PCGF5: variants seen among roughly 807,000 people sequenced by gnomAD.
PCGF5 encodes polycomb group RING finger protein 5.
PCGF5 carries 9 observed loss-of-function variants against 44.3 expected under a neutral mutation model. The observed-to-expected ratio is 0.20, with a 90% confidence interval of 0.12 to 0.35. The LOEUF (loss-of-function observed/expected upper bound fraction) is 0.35. PCGF5 is among the 10% of genes least tolerant of loss of function. The pLI is 1.00. For synonymous variants in PCGF5, 95 were observed against 102.5 expected, an observed-to-expected ratio of 0.93 and a Z score of 0.44; for missense variants, 146 against 305.3, an observed-to-expected ratio of 0.48 and a Z score of 3.89.
intron 1 of PCGF5, among the ~76,000 whole-genome samples, chr10:91,190,426 G>A (rs906851972): frequency 2.0e-5 from 3 of 152,260 alleles, no homozygotes; most frequent in South Asian, 2.1e-4. Context: ...AAAGGTCTGT[G>A]GTGTCAGATA....
rs142909174 is a variant in PCGF5, at chr10:91,267,468, G to T, written c.663+2948G>T. 1.4e-4 allele frequency among the ~76,000 whole-genome samples: 21 copies of T among 152,314 alleles called. No homozygotes were observed. The East Asian group carries it at 3.9e-3, about 28-fold the overall frequency. On this transcript the variant is annotated intron_variant, in intron 8 of 9. Coordinates refer to ENST00000336126, the MANE Select transcript of PCGF5 (RefSeq NM_032373.5). ...TGCTAAATCTCCAGCACCTAGGGCA[G>T]TGCCCAGCATATATACTCAATCAAT...
chr10:91,221,046 G>T (rs1407132872), intron 1 of PCGF5, among the ~76,000 whole-genome samples: 2 of 151,548 alleles, frequency 1.3e-5, no homozygotes, highest in Non-Finnish European at 3.0e-5. Context: ...TGCGGACGCC[G>T]GCCCCGGGAA....
At position 91,251,329 on chromosome 10, in the gene PCGF5, A is replaced by G. The variant is rs140669067; in HGVS notation, c.363A>G (p.Glu121=). The change falls in exon 6 of 10, where the codon GAA becomes GAG. Residue 121 remains glutamate, a synonymous_variant. Coordinates refer to ENST00000336126, the MANE Select transcript of PCGF5 (RefSeq NM_032373.5). ...TSKADKPKVD[E]EGDENEDDKD... ...AAGCTGACAAACCGAAAGTAGATGA[A>G]GAAGGTGATGAAAATGAAGATGATA... The G allele has an allele frequency of 1.9e-6, 3 of 1,610,398 alleles. No homozygotes were observed. The highest frequency in any genetic ancestry group is 2.7e-5 in the African/African-American group (2 of 74,756).
chr10:91,238,883 T>C (rs1432453096), intron 2 of PCGF5, among the ~76,000 whole-genome samples: 3 of 152,048 alleles, frequency 2.0e-5, no homozygotes, highest in Non-Finnish European at 4.4e-5. Flanking sequence ...ATCTAAGCTT[T>C]TTCTTTTTTT....
intron 5 of PCGF5, among the ~76,000 whole-genome samples, chr10:91,250,998 A>T (rs1845610354): frequency 1.3e-5 from 2 of 151,656 alleles, no homozygotes; most frequent in African/African-American, 4.8e-5. Flanking sequence ...CTAATTACTA[A>T]TTGTAATCAT....
intron 2 of PCGF5, among the ~76,000 whole-genome samples, chr10:91,233,965 GATT>G (rs1260226876): frequency 1.3e-5 from 2 of 152,138 alleles, no homozygotes; most frequent in Non-Finnish European, 2.9e-5. Flanking sequence ...TGAGAGAAAA[GATT>G]ATTATTGTTT....
chr10:91,257,465 T>C (rs1472122257), intron 6 of PCGF5, among the ~76,000 whole-genome samples: 2 of 151,392 alleles, frequency 1.3e-5, no homozygotes. Context: ...CCCCCCCTTA[T>C]CTGTGGAGCA....
intron 1 of PCGF5, among the ~76,000 whole-genome samples, chr10:91,194,807 TA>T (rs2133220210): frequency 6.6e-6 from 1 of 152,242 alleles, no homozygotes; most frequent in South Asian, 2.1e-4. Context: ...TCCTCATTTT[TA>T]AAAAAGATAG....
At chr10:91,212,657 T>C (rs1844473926) in intron 1 of PCGF5, among the ~76,000 whole-genome samples, 1 of 152,234 alleles carries the variant, frequency 6.6e-6, no homozygotes, top group African/African-American at 2.4e-5. Flanking sequence ...CAGCCTAACT[T>C]CTATAACGCA....
intron 2 of PCGF5, among the ~76,000 whole-genome samples, chr10:91,223,789 G>T (rs367708950): frequency 2.6e-5 from 4 of 152,296 alleles, no homozygotes; most frequent in African/African-American, 9.6e-5. Flanking sequence ...GCATTTTGGA[G>T]TAGATGTAGG....
Position 91,264,407 on chromosome 10 carries a change from G to A in PCGF5, c.574-24G>A, listed in dbSNP as rs577632018. The A allele has an allele frequency of 4.7e-5, 72 of 1,530,000 alleles. No individual in the cohort carries two copies. The South Asian group carries it at 8.0e-4, about 17-fold the overall frequency. The allele number at this position is 1,530,000 out of a possible 1,614,324, so 94.8% of individuals were successfully genotyped here. A position where few individuals can be genotyped will look rare whatever the true frequency, so the allele number is the denominator to read the frequency against. On this transcript the variant is annotated intron_variant, in intron 7 of 9. Coordinates refer to ENST00000336126, the MANE Select transcript of PCGF5 (RefSeq NM_032373.5). ...TTTTGAATTCAACATTATGTTAATAGATCTATAATGATTCTTTTTAAAGTT... is the reference window on the plus strand; with the variant it reads ...TTTTGAATTCAACATTATGTTAATAAATCTATAATGATTCTTTTTAAAGTT...
At chr10:91,159,018 AGAAGCAG>A (rs955218378), upstream of PCGF5, among the ~76,000 whole-genome samples, 5 of 152,230 alleles carry the variant, frequency 3.3e-5, no homozygotes, top group African/African-American at 9.6e-5. Flanking sequence ...CAGGGCTAGC[AGAAGCAG>A]GAAGCAGGAA....
rs1236852980 is a variant in PCGF5, at chr10:91,261,532, CTT to C, written c.573+110_573+111del. On this transcript the variant is annotated intron_variant, in intron 7 of 9. Coordinates refer to ENST00000336126, the MANE Select transcript of PCGF5 (RefSeq NM_032373.5). ...ATATTCAAATTAATTTTTGTGGAAA[CTT>C]TGATTATTTTTGTGTTAAAAATTTA... 4 of 1,240,932 alleles carry C rather than the reference CTT, an allele frequency of 3.2e-6. No homozygotes were observed. In the South Asian group the frequency reaches 8.8e-5, roughly 27 times the overall value. The allele number at this position is 1,240,932 out of a possible 1,614,324, so 76.9% of individuals were successfully genotyped here.
intron 6 of PCGF5, 151 bp from the exon 7 acceptor site, chr10:91,261,175 A>G (rs944924705): frequency 9.9e-7 from 1 of 1,007,386 alleles, no homozygotes; most frequent in African/African-American, 1.7e-5. Flanking sequence ...TTACTCGCAA[A>G]TACTAAAAAG....
At chr10:91,227,395 A>T (rs1589380351) in intron 2 of PCGF5, 3 of 1,288,422 alleles carry the variant, frequency 2.3e-6, no homozygotes, top group Non-Finnish European at 3.0e-6. Flanking sequence ...AACTCAGCAT[A>T]TCTACGAATG....
chr10:91,270,380 GA>G (rs11400268), intron 8 of PCGF5, among the ~76,000 whole-genome samples: 15 of 147,966 alleles, frequency 1.0e-4, no homozygotes, highest in East Asian at 5.9e-4. Context: ...GAGATCAATA[GA>G]AAAAAAAAAA....
chr10:91,211,599 A>G lies in PCGF5; in HGVS notation c.-183-11090A>G, dbSNP rs552184900. Among the ~76,000 whole-genome samples, 26 of 152,306 alleles carry G rather than the reference A, an allele frequency of 1.7e-4. No homozygotes were observed. In the East Asian group the frequency reaches 1.7e-3, roughly 10 times the overall value. On this transcript the variant is annotated intron_variant, in intron 1 of 9. Coordinates refer to the PCGF5 transcript ENST00000614189. ...TTCATGGGTCTCCAGCAGTTCTTCT[A>G]TCTTCATAGGAAGAGAGATTCCTAT...
intron 1 of PCGF5, among the ~76,000 whole-genome samples, chr10:91,165,158 T>C (rs78998538): frequency 0.037 from 5,582 of 152,290 alleles, 361 homozygotes; most frequent in African/African-American, 0.13. Flanking sequence ...TGGTTTTCTT[T>C]TGATTCATTT....
chr10:91,163,963 C>G (rs1229018813), intron 1 of PCGF5, among the ~76,000 whole-genome samples: 1 of 152,218 alleles, frequency 6.6e-6, no homozygotes, highest in Non-Finnish European at 1.5e-5. Flanking sequence ...GTTTCTGGCC[C>G]CAGGCGTTTG....
Sources: allele counts gnomAD v4.1 joint callset (sites outside exome capture counted in the v4.1 genomes callset), GRCh38; gene constraint gnomAD v4.1.1; transcripts MANE v1.5; gene names NCBI Gene and HGNC (gene_info 2026-07-23, HGNC 2026-07-21).